L3MBTL4: variants seen among roughly 807,000 people sequenced by gnomAD.
L3MBTL4 encodes L3MBTL histone methyl-lysine binding protein 4.
L3MBTL4 carries 70 observed loss-of-function variants against 84.5 expected under a neutral mutation model. That is an observed-to-expected ratio of 0.83 (90% CI 0.68 to 1.01). The LOEUF (loss-of-function observed/expected upper bound fraction) is 1.01. Ranked by LOEUF, L3MBTL4 falls within the 50% of genes least tolerant of loss-of-function variation. The probability of loss-of-function intolerance (pLI) is 0.00; values close to 1 mark genes in which losing one functional copy is unlikely to be tolerated. For missense variants in L3MBTL4, 715 were observed against 754.8 expected (o/e 0.95, Z 0.62); for synonymous variants, 274 against 259.8 (o/e 1.05, Z -0.52).
At chr18:6,042,240 C>T (rs917083494) in intron 16 of L3MBTL4, among the ~76,000 whole-genome samples, 2 of 152,108 alleles carry the variant, frequency 1.3e-5, no homozygotes, top group Non-Finnish European at 2.9e-5. Context: ...TCTCAGAAAC[C>T]TTATGACCTC....
chr18:6,333,609 A>G (rs983120101), intron 1 of L3MBTL4, among the ~76,000 whole-genome samples: 27 of 152,108 alleles, frequency 1.8e-4, no homozygotes, highest in African/African-American at 6.5e-4. Context: ...TTTATGAATA[A>G]GATTAGCATG....
At chr18:6,219,639 C>T (rs1255220170) in intron 10 of L3MBTL4, among the ~76,000 whole-genome samples, 7 of 151,436 alleles carry the variant, frequency 4.6e-5, no homozygotes, top group Admixed American at 1.3e-4. Flanking sequence ...GCAATTCTTC[C>T]GGTAAAACGG....
chr18:6,096,275 C>A (rs911526117), intron 14 of L3MBTL4, among the ~76,000 whole-genome samples: 2 of 152,172 alleles, frequency 1.3e-5, no homozygotes, highest in Non-Finnish European at 2.9e-5. Context: ...ATGAATCAGT[C>A]TCTCTGGTCA....
intron 14 of L3MBTL4, among the ~76,000 whole-genome samples, chr18:6,115,296 G>A (rs1042223624): frequency 2.0e-5 from 3 of 152,198 alleles, no homozygotes; most frequent in East Asian, 1.9e-4. Context: ...AGTAAGGAGG[G>A]TGCTGAGTGA....
intron 14 of L3MBTL4, among the ~76,000 whole-genome samples, chr18:6,132,790 T>TGCA (rs2059912056): frequency 6.6e-6 from 1 of 152,080 alleles, no homozygotes; most frequent in Non-Finnish European, 1.5e-5. Context: ...TGGAACAAAG[T>TGCA]GCAGCATGCC....
At chr18:5,985,555 G>A (rs146536360) in intron 16 of L3MBTL4, among the ~76,000 whole-genome samples, 27 of 152,328 alleles carry the variant, frequency 1.8e-4, no homozygotes, top group African/African-American at 6.5e-4. Context: ...GCACAGTCAG[G>A]ACTCCTAATG....
chr18:6,392,748 C>T (rs1055842860), intron 1 of L3MBTL4, among the ~76,000 whole-genome samples: 1 of 152,188 alleles, frequency 6.6e-6, no homozygotes, highest in Non-Finnish European at 1.5e-5. Flanking sequence ...ATTACTAAGA[C>T]TTCAGAAGCA....
chr18:6,311,161 T>G (rs1169836394), intron 3 of L3MBTL4, among the ~76,000 whole-genome samples: 3 of 152,022 alleles, frequency 2.0e-5, no homozygotes, highest in Non-Finnish European at 4.4e-5. Flanking sequence ...TAGCTCTCTC[T>G]CGCTCTGTGT....
intron 16 of L3MBTL4, among the ~76,000 whole-genome samples, chr18:6,001,023 G>A (rs1046254168): frequency 1.3e-5 from 2 of 152,306 alleles, no homozygotes; most frequent in South Asian, 4.1e-4. Context: ...TCAGCTCTTA[G>A]AACAGTAGCA....
chr18:6,161,676 G>C (rs1383069622), intron 13 of L3MBTL4, among the ~76,000 whole-genome samples: 1 of 152,158 alleles, frequency 6.6e-6, no homozygotes, highest in African/African-American at 2.4e-5. Context: ...TTCACCTCTA[G>C]AGAGGCTGCC....
At chr18:6,014,767 T>C (rs1411193321) in intron 16 of L3MBTL4, among the ~76,000 whole-genome samples, 1 of 152,004 alleles carries the variant, frequency 6.6e-6, no homozygotes, top group Non-Finnish European at 1.5e-5. Flanking sequence ...CCAAGAATAT[T>C]GGGGAAACTT....
intron 1 of L3MBTL4, among the ~76,000 whole-genome samples, chr18:6,355,056 G>A (rs1296454608): frequency 1.3e-5 from 2 of 152,172 alleles, no homozygotes; most frequent in Non-Finnish European, 2.9e-5. Context: ...GAGATGAACA[G>A]ATAAAGTAAA....
chr18:6,031,908 A>G (rs2055820976), intron 16 of L3MBTL4: 4 of 843,460 alleles, frequency 4.7e-6, no homozygotes, highest in Non-Finnish European at 4.3e-6. Context: ...CTTTTAGAGT[A>G]ATGGTCACCT....
At chr18:6,269,718 G>T (rs1056571955) in intron 4 of L3MBTL4, among the ~76,000 whole-genome samples, 1 of 152,122 alleles carries the variant, frequency 6.6e-6, no homozygotes, top group African/African-American at 2.4e-5. Flanking sequence ...CAGTTTATAT[G>T]AACATTGTCT....
At chr18:6,383,764 T>TAAATCCCTATTAAATCCCTATTAAA (rs2054698853) in intron 1 of L3MBTL4, among the ~76,000 whole-genome samples, 1 of 152,190 alleles carries the variant, frequency 6.6e-6, no homozygotes, top group African/African-American at 2.4e-5. Context: ...TCAGCCATCT[T>TAAATCCCTATTAAATCCCTATTAAA]GCCAGCAATC....
At chr18:6,126,061 G>A (rs2059683729) in intron 14 of L3MBTL4, among the ~76,000 whole-genome samples, 1 of 151,698 alleles carries the variant, frequency 6.6e-6, no homozygotes, top group Non-Finnish European at 1.5e-5. Context: ...TTTATTGAAG[G>A]ACAAATGACA....
At chr18:6,404,117 G>C (rs1417756367) in intron 1 of L3MBTL4, among the ~76,000 whole-genome samples, 1 of 151,762 alleles carries the variant, frequency 6.6e-6, no homozygotes, top group East Asian at 1.9e-4. Context: ...AGGAGGGTGG[G>C]GGATAAAAGA....
chr18:6,323,443 C>A (rs969366098), intron 1 of L3MBTL4, among the ~76,000 whole-genome samples: 1 of 152,180 alleles, frequency 6.6e-6, no homozygotes, highest in Non-Finnish European at 1.5e-5. Context: ...GATATGGACA[C>A]TGAAGTACAA....
intron 4 of L3MBTL4, among the ~76,000 whole-genome samples, chr18:6,268,130 G>A (rs2048714457): frequency 6.6e-6 from 1 of 152,192 alleles, no homozygotes; most frequent in African/African-American, 2.4e-5. Context: ...AATGGCCCGG[G>A]AGTGGTGGCT....
Sources: allele counts gnomAD v4.1 joint callset (sites outside exome capture counted in the v4.1 genomes callset), GRCh38; gene constraint gnomAD v4.1.1; transcripts MANE v1.5; gene names NCBI Gene and HGNC (gene_info 2026-07-23, HGNC 2026-07-21).